The following DGCR2 variants were observed in gnomAD, a reference collection of about 807,000 sequenced individuals.
DGCR2 encodes DiGeorge syndrome critical region gene 2, also known as integral membrane protein DGCR2/IDD.
DGCR2 carries 24 observed loss-of-function variants against 51.6 expected under a neutral mutation model. The ratio of observed to expected loss-of-function variants is 0.47; its 90% confidence interval spans 0.34 to 0.65. DGCR2 has a LOEUF of 0.65. DGCR2 is among the 30% of genes least tolerant of loss of function. The pLI is 0.01. For missense variants in DGCR2, 765 were observed against 772.1 expected (o/e 0.99, Z 0.11); for synonymous variants, 340 against 315.4 (o/e 1.08, Z -0.82).
At chr22:19,063,307 T>G in intron 4 of DGCR2, 29 bp from the exon 5 acceptor site, 11 of 1,552,604 alleles carry the variant, frequency 7.1e-6, no homozygotes, top group Non-Finnish European at 8.9e-6. Flanking sequence ...GAGACAGAGA[T>G]CTCAGCGGCA....
intron 7 of DGCR2, chr22:19,046,695 G>A (rs1414941603): frequency 2.4e-6 from 1 of 416,284 alleles, no homozygotes. Context: ...CCCTAGGAGA[G>A]TCAGGAGCCC....
chr22:19,063,499 C>T (rs1382709726), intron 4 of DGCR2, among the ~76,000 whole-genome samples: 1 of 151,086 alleles, frequency 6.6e-6, no homozygotes, highest in East Asian at 1.9e-4. Flanking sequence ...CCACCACGCC[C>T]AGCTAATTTT....
At chr22:19,082,801 A>T (rs2082955542) in intron 2 of DGCR2, among the ~76,000 whole-genome samples, 1 of 151,344 alleles carries the variant, frequency 6.6e-6, no homozygotes. Flanking sequence ...GAAAAGAAAA[A>T]GGTGGCTGGG....
At chr22:19,089,225 C>CAG in intron 2 of DGCR2, 143 bp downstream of exon 2, 2 of 957,388 alleles carry the variant, frequency 2.1e-6, no homozygotes, top group Non-Finnish European at 2.9e-6. Context: ...GACAGAAAGA[C>CAG]AGAGAGAGAG....
chr22:19,108,569 T>TAAAAAAAAAAAAAA (rs55803042), intron 1 of DGCR2, among the ~76,000 whole-genome samples: 9 of 90,782 alleles, frequency 9.9e-5, no homozygotes, highest in African/African-American at 3.3e-4. Flanking sequence ...AGAATTTATC[T>TAAAAAAAAAAAAAA]AAAAAAAAAA....
intron 2 of DGCR2, among the ~76,000 whole-genome samples, chr22:19,068,902 A>G (rs892583183): frequency 1.3e-5 from 2 of 152,246 alleles, no homozygotes; most frequent in African/African-American, 4.8e-5. Flanking sequence ...AGTAATTTGC[A>G]CACCAGTGCT....
At chr22:19,111,833 T>C (rs1012799387) in intron 1 of DGCR2, among the ~76,000 whole-genome samples, 19 of 145,664 alleles carry the variant, frequency 1.3e-4, no homozygotes, top group African/African-American at 2.1e-4. Flanking sequence ...ATCTAAACTC[T>C]TTTTTGTTTT....
intron 5 of DGCR2, among the ~76,000 whole-genome samples, chr22:19,062,616 C>A (rs2082677894): frequency 6.6e-6 from 1 of 152,076 alleles, no homozygotes; most frequent in Non-Finnish European, 1.5e-5. Flanking sequence ...TGGAGTATGT[C>A]CAGGAGGAGC....
At position 19,109,598 on chromosome 22, in the gene DGCR2, G is replaced by A. The variant is rs575077478; in HGVS notation, c.79+12530C>T. Among the ~76,000 whole-genome samples, 9 of 152,294 alleles carry A rather than the reference G, an allele frequency of 5.9e-5. No individual in the cohort carries two copies. In the South Asian group the frequency reaches 6.2e-4, roughly 11 times the overall value. On this transcript the variant is annotated intron_variant, in intron 1 of 9. Transcript: ENST00000263196. The stretch of plus-strand genomic sequence containing the variant: ...AACTCTTAGAAACAGGAAGTAGGAC[G>A]GTGGTTGCCAGGCTGGAGAGAGAGA...
At chr22:19,101,393 G>C (rs912007163) in intron 1 of DGCR2, among the ~76,000 whole-genome samples, 1 of 152,136 alleles carries the variant, frequency 6.6e-6, no homozygotes, top group Non-Finnish European at 1.5e-5. Flanking sequence ...ATAAAAACAG[G>C]AGGCATGTAG....
At chr22:19,049,943 G>T (rs1029168486) in intron 6 of DGCR2, among the ~76,000 whole-genome samples, 2 of 150,988 alleles carry the variant, frequency 1.3e-5, no homozygotes, top group African/African-American at 4.8e-5. Context: ...AAAAAAGAAT[G>T]AACAGAAATG....
intron 1 of DGCR2, among the ~76,000 whole-genome samples, chr22:19,095,681 C>G (rs1011540431): frequency 6.7e-6 from 1 of 148,560 alleles, no homozygotes; most frequent in East Asian, 2.0e-4. Context: ...AAAAAAACAA[C>G]TCAAATTTTA....
chr22:19,087,948 G>C (rs1226432223), intron 2 of DGCR2, among the ~76,000 whole-genome samples: 1 of 152,160 alleles, frequency 6.6e-6, no homozygotes, highest in Non-Finnish European at 1.5e-5. Flanking sequence ...GCCTCCCAAA[G>C]TGTTGGGTTA....
intron 7 of DGCR2, among the ~76,000 whole-genome samples, chr22:19,045,036 T>C (rs962432025): frequency 2.0e-5 from 3 of 152,212 alleles, no homozygotes; most frequent in Admixed American, 2.0e-4. Flanking sequence ...GCCTAACCCA[T>C]GGTCACAAAG....
intron 2 of DGCR2, among the ~76,000 whole-genome samples, chr22:19,087,210 G>A (rs759474690): frequency 6.6e-6 from 1 of 152,106 alleles, no homozygotes; most frequent in African/African-American, 2.4e-5. Context: ...CTTTCTCTGG[G>A]CTTTGACCCC....
rs1465493600 is a variant in DGCR2 at position 19,059,789 on chromosome 22, G to C, written c.626-2627C>G. Among the ~76,000 whole-genome samples, 4 of 152,122 alleles carry C rather than the reference G, an allele frequency of 2.6e-5. No individual in the cohort carries two copies. The East Asian group carries it at 7.7e-4, about 29-fold the overall frequency. ...CCCAGACTGATACACGAGGGCATCT[G>C]AACCTGATTACCTCTGCCACCACAT... On this transcript the variant is annotated intron_variant, in intron 5 of 9. Transcript: ENST00000263196.
At chr22:19,087,240 T>C (rs2238755) in intron 2 of DGCR2, among the ~76,000 whole-genome samples, 62,805 of 151,852 alleles carry the variant, frequency 0.41, 13,438 homozygotes, top group African/African-American at 0.53. Context: ...CCAGAGAGGC[T>C]CCCAGACAAA....
At chr22:19,064,561 T>A (rs979635666) in intron 4 of DGCR2, among the ~76,000 whole-genome samples, 6 of 152,040 alleles carry the variant, frequency 3.9e-5, no homozygotes, top group Non-Finnish European at 7.4e-5. Context: ...CTGCCTGCGC[T>A]CAGCAACTGC....
At chr22:19,051,902 A>C (rs894750446) in intron 6 of DGCR2, among the ~76,000 whole-genome samples, 1 of 152,206 alleles carries the variant, frequency 6.6e-6, no homozygotes, top group Non-Finnish European at 1.5e-5. Context: ...CTGCATACCT[A>C]ACAGAAGGGC....
Sources: gnomAD v4.1 joint callset for allele counts (sites outside exome capture counted in the v4.1 genomes callset) on GRCh38, gnomAD v4.1.1 for gene constraint, MANE v1.5 for transcripts, NCBI Gene and HGNC (gene_info 2026-07-23, HGNC 2026-07-21) for gene names.